ERBB4: variants seen among roughly 807,000 people sequenced by gnomAD.
The protein encoded by ERBB4 is erb-b2 receptor tyrosine kinase 4, also known as receptor tyrosine-protein kinase erbB-4.
A neutral mutation model predicts 158.0 loss-of-function variants in ERBB4; 42 were observed. That is an observed-to-expected ratio of 0.27 (90% CI 0.21 to 0.34). The LOEUF is 0.34. Ranked by LOEUF, ERBB4 falls within the 10% of genes least tolerant of loss-of-function variation. The pLI is 1.00. For synonymous variants in ERBB4, 583 were observed against 558.7 expected (o/e 1.04, Z -0.61); for missense variants, 1,333 against 1,624.1 (o/e 0.82, Z 3.08).
intron 5 of ERBB4, among the ~76,000 whole-genome samples, chr2:211,744,185 T>G (rs1477568452): frequency 1.3e-5 from 2 of 152,166 alleles, no homozygotes; most frequent in Non-Finnish European, 2.9e-5. Context: ...CTGAACATAA[T>G]TAAATGCTAT....
chr2:212,533,983 A>C (rs1687611383), intron 1 of ERBB4, among the ~76,000 whole-genome samples: 1 of 152,224 alleles, frequency 6.6e-6, no homozygotes, highest in Admixed American at 6.5e-5. Flanking sequence ...GGTAAAATTA[A>C]ACAGAGCAAG....
chr2:211,560,869 T>G (rs960349162), intron 20 of ERBB4, among the ~76,000 whole-genome samples: 8 of 152,150 alleles, frequency 5.3e-5, no homozygotes, highest in African/African-American at 1.4e-4. Context: ...ATGTCAAATT[T>G]CTTTTTTCTA....
chr2:211,600,822 TA>T (rs1031845221), intron 19 of ERBB4, among the ~76,000 whole-genome samples: 4 of 152,060 alleles, frequency 2.6e-5, no homozygotes, highest in African/African-American at 9.7e-5. Context: ...GAATCATCTG[TA>T]AAAATGCTGG....
At chr2:211,766,426 A>G (rs2075551321) in intron 4 of ERBB4, among the ~76,000 whole-genome samples, 1 of 152,204 alleles carries the variant, frequency 6.6e-6, no homozygotes, top group Non-Finnish European at 1.5e-5. Context: ...GGGAACACCA[A>G]TAGGAGAGGA....
At chr2:211,978,557 A>T (rs1415242278) in intron 2 of ERBB4, among the ~76,000 whole-genome samples, 1 of 152,178 alleles carries the variant, frequency 6.6e-6, no homozygotes, top group Non-Finnish European at 1.5e-5. Flanking sequence ...CCAAGTAGCT[A>T]GGACTACAGG....
At chr2:211,961,622 T>A (rs904538231) in intron 2 of ERBB4, among the ~76,000 whole-genome samples, 1 of 152,154 alleles carries the variant, frequency 6.6e-6, no homozygotes, top group Admixed American at 6.6e-5. Flanking sequence ...TGCCTCCCAC[T>A]GAATGAACAC....
intron 1 of ERBB4, among the ~76,000 whole-genome samples, chr2:212,313,383 T>G (rs557248474): frequency 6.6e-6 from 1 of 151,090 alleles, no homozygotes; most frequent in East Asian, 2.0e-4. Context: ...GACAGCATTT[T>G]CATTTACATA....
In ERBB4 at chr2:211,834,293, C is replaced by T. The variant is rs150050965; in HGVS notation, c.422-46134G>A. The stretch of plus-strand genomic sequence containing the variant: ...AGGCAGTGCAGGAGAATTCTAGTCC[C>T]CTGGAAAGGCAGGTGGCAAAGTCAC... On this transcript the variant is annotated intron_variant, in intron 3 of 27. Transcript: ENST00000342788. 2.0e-3 allele frequency among the ~76,000 whole-genome samples: 304 copies of T among 152,080 alleles called. 3 individuals carry two copies. The highest frequency in any genetic ancestry group is 6.8e-3 in the African/African-American group (281 of 41,508).
Position 211,383,779 on chromosome 2 carries a change from G to A in ERBB4, c.3763C>T (p.His1255Tyr), listed in dbSNP as rs2125309557. The A allele has an allele frequency of 1.2e-6, 2 of 1,614,128 alleles. No homozygotes were observed. The highest frequency in any genetic ancestry group is 2.2e-5 in the South Asian group (2 of 91,072). ...CTGTACTCCTGCAGGTAGTCTGGGT[G>A]CTGAAGGGTGCTCCGAGGTGGCAGG... Reference protein sequence around the residue: ...HSLPPRSTLQHPDYLQEYSTK... With the variant: ...HSLPPRSTLQYPDYLQEYSTK... The change falls in exon 28 of 28, where the codon CAC (histidine) becomes TAC (tyrosine). Residue 1255 changes from histidine to tyrosine, a missense_variant. Around this residue, in one of 5 missense-constraint regions of ERBB4, gnomAD observed 84 missense variants for 110.8 expected, o/e 0.76. Transcript: ENST00000342788.
chr2:212,161,975 TTATA>T (rs1190664376), intron 1 of ERBB4, among the ~76,000 whole-genome samples: 2 of 151,880 alleles, frequency 1.3e-5, no homozygotes, highest in Admixed American at 6.6e-5. Flanking sequence ...AGTAGCACTG[TTATA>T]TATTGTGAGA....
chr2:212,079,498 T>C (rs993855060), intron 2 of ERBB4, among the ~76,000 whole-genome samples: 1 of 152,106 alleles, frequency 6.6e-6, no homozygotes, highest in African/African-American at 2.4e-5. Flanking sequence ...GACTAACTCC[T>C]TATTTTATTT....
chr2:212,467,721 A>G (rs537994467), intron 1 of ERBB4, among the ~76,000 whole-genome samples: 1 of 152,234 alleles, frequency 6.6e-6, no homozygotes. Context: ...CTCCACACAC[A>G]GTTCCTACTG....
At chr2:212,417,257 A>G (rs962793266) in intron 1 of ERBB4, among the ~76,000 whole-genome samples, 1 of 152,044 alleles carries the variant, frequency 6.6e-6, no homozygotes, top group Non-Finnish European at 1.5e-5. Context: ...TGGCAGATGA[A>G]GCAATATCTA....
intron 20 of ERBB4, among the ~76,000 whole-genome samples, chr2:211,465,185 G>C (rs1363070199): frequency 2.0e-5 from 3 of 151,832 alleles, no homozygotes; most frequent in Non-Finnish European, 2.9e-5. Flanking sequence ...GCTTTAAATA[G>C]GCTTGAGCTA....
At chr2:212,514,319 T>A (rs1408115354) in intron 1 of ERBB4, among the ~76,000 whole-genome samples, 1 of 152,206 alleles carries the variant, frequency 6.6e-6, no homozygotes, top group Non-Finnish European at 1.5e-5. Flanking sequence ...ATGTCAATGA[T>A]TACATTTGTT....
chr2:212,494,437 AT>A lies in ERBB4; in HGVS notation c.82+44011del, dbSNP rs1246233346. Among the ~76,000 whole-genome samples the A allele has an allele frequency of 5.9e-5, 9 of 151,930 alleles. No individual in the cohort carries two copies. In the South Asian group the frequency reaches 6.2e-4, roughly 11 times the overall value. On this transcript the variant is annotated intron_variant, in intron 1 of 27. Transcript: ENST00000342788. The stretch of plus-strand genomic sequence containing the variant: ...GATTAATATTAAAATAGTTGAATAC[AT>A]TTTTTTTCTTACCATAAAAAAATGA...
At chr2:211,413,313 C>A (rs2371267) in intron 25 of ERBB4, among the ~76,000 whole-genome samples, 7,523 of 51,216 alleles carry the variant, frequency 0.15, 1,007 homozygotes, top group African/African-American at 0.24. Context: ...CTTAAAAACA[C>A]ACACACACAC....
intron 22 of ERBB4, among the ~76,000 whole-genome samples, chr2:211,427,555 A>C (rs2063656110): frequency 6.6e-6 from 1 of 152,114 alleles, no homozygotes; most frequent in Non-Finnish European, 1.5e-5. Context: ...TATTTCTGTA[A>C]CTCCACAAGT....
In ERBB4 at chr2:211,615,333, A is replaced by T. The variant is rs188357802; in HGVS notation, c.2301+3844T>A. ...GTGTTCTGCACCATTTTGTGGATTTAAAAAAAAAAGAAAACAAAAAACAAC... is the reference window on the plus strand; with the variant it reads ...GTGTTCTGCACCATTTTGTGGATTTTAAAAAAAAAGAAAACAAAAAACAAC... On this transcript the variant is annotated intron_variant, in intron 19 of 27. Coordinates refer to ENST00000342788, the MANE Select transcript of ERBB4 (RefSeq NM_005235.3). Among the ~76,000 whole-genome samples, 337 of 140,830 alleles carry T rather than the reference A, an allele frequency of 2.4e-3. 1 individual carries two copies. The highest frequency in any genetic ancestry group is 8.0e-3 in the African/African-American group (323 of 40,248). The allele number at this position is 140,830 out of a possible 152,430, so 92.4% of individuals were successfully genotyped here. A position where few individuals can be genotyped will look rare whatever the true frequency, so the allele number is the denominator to read the frequency against.
Sources: allele counts gnomAD v4.1 joint callset (sites outside exome capture counted in the v4.1 genomes callset), GRCh38; gene constraint gnomAD v4.1.1; regional missense constraint gnomAD v4.1.1; transcripts MANE v1.5; gene names NCBI Gene and HGNC (gene_info 2026-07-23, HGNC 2026-07-21).